PTK2B: variants seen among roughly 807,000 people sequenced by gnomAD.
PTK2B encodes the protein protein-tyrosine kinase 2-beta.
PTK2B carries 71 observed loss-of-function variants against 142.9 expected under a neutral mutation model. The observed-to-expected ratio is 0.50, with a 90% CI of 0.41 to 0.61. The LOEUF is 0.61. PTK2B is among the 20% of genes least tolerant of loss of function. PTK2B has a pLI of 0.00. For missense variants in PTK2B, 1,105 were observed against 1,320.4 expected (o/e 0.84, Z 2.53); for synonymous variants, 519 against 503.4 (o/e 1.03, Z -0.42).
rs771308486 is a variant in PTK2B at position 27,450,923 on chromosome 8, C to T, written c.2487+28C>T. 17 of 1,614,058 alleles carry T rather than the reference C, an allele frequency of 1.1e-5. 2 individuals are homozygous for T. The South Asian group carries it at 1.5e-4, about 15-fold the overall frequency. ...GAGCACCCCAGGAAGGATGTCGGTG[C>T]CCTGCACCCATCTGTGTCCTCTTCC... On this transcript the variant is annotated intron_variant, in intron 25 of 30. Coordinates refer to ENST00000346049, the MANE Select transcript of PTK2B (RefSeq NM_173176.3).
In PTK2B at chr8:27,439,347, G is replaced by A. The variant is rs1326444973; in HGVS notation, c.1783G>A (p.Glu595Lys). Residue 595 changes from glutamate (E) to lysine (K), a missense_variant, in exon 20 of 31, where the codon GAG becomes AAG. By Grantham distance (56) the Glu-to-Lys change is moderately conservative (BLOSUM62 1). Coordinates refer to ENST00000346049, the MANE Select transcript of PTK2B (RefSeq NM_173176.3). The part of the protein sequence containing the change: ...TRLPIKWMSP[E>K]SINFRRFTTA... ...TCTCCCCATCAAATGGATGTCCCCAGAGTCCATTAACTTCCGACGCTTCAC... is the reference window on the plus strand; with the variant it reads ...TCTCCCCATCAAATGGATGTCCCCAAAGTCCATTAACTTCCGACGCTTCAC... 2 of 1,614,160 alleles carry A rather than the reference G, an allele frequency of 1.2e-6. No homozygotes were observed. The highest frequency in any genetic ancestry group is 1.7e-6 in the Non-Finnish European group (2 of 1,179,998).
chr8:27,366,039 C>T (rs1441863333), intron 1 of PTK2B, among the ~76,000 whole-genome samples: 2 of 152,220 alleles, frequency 1.3e-5, no homozygotes, highest in Non-Finnish European at 1.5e-5. Context: ...GCACACCTGC[C>T]TCATCTCTTC....
chr8:27,420,818 T>G, intron 4 of PTK2B, 74 bp downstream of exon 4: 1 of 1,355,196 alleles, frequency 7.4e-7, no homozygotes. Context: ...CGTTCTCTCC[T>G]AGGGAGATGG....
At chr8:27,427,531 A>T (rs1361313818) in intron 5 of PTK2B, among the ~76,000 whole-genome samples, 1 of 152,196 alleles carries the variant, frequency 6.6e-6, no homozygotes, top group Non-Finnish European at 1.5e-5. Context: ...ACCTTTGCCA[A>T]CATTTATTCT....
chr8:27,359,527 A>G (rs904984924), intron 1 of PTK2B, among the ~76,000 whole-genome samples: 46 of 152,140 alleles, frequency 3.0e-4, no homozygotes, highest in Admixed American at 2.9e-3. Context: ...GCTTGGTTGT[A>G]TGGATCGTCA....
intron 7 of PTK2B, 22 bp from the exon 8 acceptor site, chr8:27,430,854 C>T (rs779558127): frequency 1.2e-6 from 2 of 1,610,806 alleles, no homozygotes; most frequent in Non-Finnish European, 1.7e-6. Context: ...GCATTGCTCA[C>T]ACGGCCCATC....
intron 1 of PTK2B, among the ~76,000 whole-genome samples, chr8:27,358,396 T>C (rs1406531113): frequency 6.6e-6 from 1 of 152,224 alleles, no homozygotes; most frequent in Non-Finnish European, 1.5e-5. Flanking sequence ...TTGTAACTTC[T>C]TGGCAAATTT....
intron 5 of PTK2B, among the ~76,000 whole-genome samples, chr8:27,426,680 A>G (rs894829511): frequency 6.6e-6 from 1 of 152,216 alleles, no homozygotes; most frequent in Non-Finnish European, 1.5e-5. Context: ...AATGGTGACT[A>G]TATAAATGAT....
At chr8:27,441,498 G>A (rs1811155507) in intron 21 of PTK2B, among the ~76,000 whole-genome samples, 1 of 152,144 alleles carries the variant, frequency 6.6e-6, no homozygotes, top group Non-Finnish European at 1.5e-5. Flanking sequence ...TGCCTTGTTT[G>A]ATTTTAGGGC....
chr8:27,439,102 G>T lies in PTK2B; in HGVS notation c.1715G>T (p.Arg572Leu). The part of the protein sequence containing the change: ...CVKLGDFGLS[R>L]YIEDEDYYKA... ...AAGCTGGGGGACTTTGGTCTTTCCC[G>T]GTACATTGAGGACGAGGACTATTAC... Residue 572 changes from arginine (R) to leucine (L), a missense_variant, in exon 19 of 31, where the codon CGG (arginine) becomes CTG (leucine). By Grantham distance (102) the Arg-to-Leu change is moderately radical. Transcript: ENST00000346049. The T allele has an allele frequency of 6.2e-7, 1 of 1,613,840 alleles. No homozygotes were observed. Among genetic ancestry groups the T allele is most frequent in the Non-Finnish European group, 8.5e-7 (1 of 1,179,774 alleles).
upstream of PTK2B, among the ~76,000 whole-genome samples, chr8:27,323,657 C>T (rs988984369): frequency 2.6e-5 from 4 of 152,118 alleles, no homozygotes; most frequent in African/African-American, 7.2e-5. Flanking sequence ...CAGTAACAGG[C>T]AGAAATGCAT....
At chr8:27,330,280 T>C (rs1180434538) in intron 1 of PTK2B, among the ~76,000 whole-genome samples, 1 of 152,192 alleles carries the variant, frequency 6.6e-6, no homozygotes, top group East Asian at 1.9e-4. Flanking sequence ...TCTTTACACA[T>C]ATGGCCATAT....
At chr8:27,452,025 T>G (rs1811850896) in intron 27 of PTK2B, 1 of 157,774 alleles carries the variant, frequency 6.3e-6, no homozygotes, top group Non-Finnish European at 1.4e-5. Context: ...AGGAGGAGGA[T>G]GATGACAGCC....
intron 1 of PTK2B, among the ~76,000 whole-genome samples, chr8:27,332,771 G>A (rs980662151): frequency 1.3e-5 from 2 of 152,104 alleles, no homozygotes. Context: ...TTGTAGAGAC[G>A]ATGTCTTGCT....
chr8:27,384,284 C>T (rs1024033596), intron 1 of PTK2B, among the ~76,000 whole-genome samples: 2 of 152,250 alleles, frequency 1.3e-5, no homozygotes, highest in African/African-American at 4.8e-5. Context: ...GCATGAGCCA[C>T]TGTGCCCAGC....
intron 27 of PTK2B, chr8:27,451,986 T>C: frequency 5.8e-6 from 1 of 171,312 alleles, no homozygotes; most frequent in Non-Finnish European, 1.2e-5. Flanking sequence ...GAGCCAGCAG[T>C]AAGCCCGGGG....
chr8:27,437,159 A>G lies in PTK2B; in HGVS notation c.1379A>G (p.Lys460Arg). The change falls in exon 16 of 31, where the codon AAG becomes AGG. Residue 460 changes from lysine to arginine, a missense_variant. Transcript: ENST00000346049. ...ATCAATGTAGCTGTCAAGACCTGCA[A>G]GAAAGACTGCACTCTGGACAACAAG... is the stretch of plus-strand genomic sequence containing the variant. Reference protein sequence around the residue: ...EKINVAVKTCKKDCTLDNKEK... With the variant: ...EKINVAVKTCRKDCTLDNKEK... 1 of 1,614,090 alleles carries G rather than the reference A, an allele frequency of 6.2e-7. No individual in the cohort carries two copies. Among genetic ancestry groups the G allele is most frequent in the Non-Finnish European group, 8.5e-7 (1 of 1,179,990 alleles).
rs138453294 is a variant in PTK2B, at chr8:27,420,161, C to A, written c.383+88C>A. ...GGGAGTTTCTCCCTTAGAGCACTCC[C>A]CTGCCTCAGAAACTTCTAGCAAACC... On this transcript the variant is annotated intron_variant, in intron 3 of 30. Coordinates refer to ENST00000346049, the MANE Select transcript of PTK2B (RefSeq NM_173176.3). The A allele has an allele frequency of 3.1e-3, 4,555 of 1,475,614 alleles. 8 individuals carry two copies. The highest frequency in any genetic ancestry group is 6.7e-3 in the Admixed American group (342 of 51,228). The allele number at this position is 1,475,614 out of a possible 1,614,324, so 91.4% of individuals were successfully genotyped here.
At chr8:27,381,766 T>A (rs945739006) in intron 1 of PTK2B, among the ~76,000 whole-genome samples, 2 of 152,232 alleles carry the variant, frequency 1.3e-5, no homozygotes, top group African/African-American at 4.8e-5. Context: ...CTAATTTACA[T>A]TCCCACCAAT....
Sources: allele counts gnomAD v4.1 joint callset (sites outside exome capture counted in the v4.1 genomes callset), GRCh38; gene constraint gnomAD v4.1.1; transcripts MANE v1.5; gene names NCBI Gene and HGNC (gene_info 2026-07-23, HGNC 2026-07-21).